The following SORCS2 variants were observed in gnomAD, a reference collection of about 807,000 sequenced individuals.
SORCS2 encodes the protein sortilin related VPS10 domain containing receptor 2.
Under a neutral mutation model 141.6 loss-of-function variants are expected in SORCS2, and 100 were observed. The ratio of observed to expected loss-of-function variants is 0.71; its 90% CI spans 0.60 to 0.83. SORCS2 has a LOEUF of 0.83. SORCS2 is among the 40% of genes least tolerant of loss of function. The pLI, the probability that SORCS2 is intolerant of heterozygous loss-of-function variation, is 0.00. For missense variants in SORCS2, 1,646 were observed against 1,560.2 expected (o/e 1.05, Z -0.93); for synonymous variants, 789 against 676.9 (o/e 1.17, Z -2.57).
At chr4:7,431,023 G>C (rs1726813207) in intron 2 of SORCS2, 1 of 152,310 alleles carries the variant, frequency 6.6e-6, no homozygotes, top group South Asian at 2.1e-4. Context: ...TCCGGGCACA[G>C]GGGATGGAGG....
chr4:7,491,518 C>T (rs1731313976), intron 2 of SORCS2, among the ~76,000 whole-genome samples: 1 of 152,260 alleles, frequency 6.6e-6, no homozygotes, highest in East Asian at 1.9e-4. Flanking sequence ...CTGCTCATTT[C>T]ACGCTGCTGA....
At chr4:7,554,634 T>C (rs909393862) in intron 3 of SORCS2, among the ~76,000 whole-genome samples, 8 of 152,176 alleles carry the variant, frequency 5.3e-5, no homozygotes, top group African/African-American at 1.9e-4. Context: ...AAAAGATGAC[T>C]TCCTTGTGCT....
At chr4:7,554,004 A>G (rs530843937) in intron 3 of SORCS2, among the ~76,000 whole-genome samples, 6 of 152,340 alleles carry the variant, frequency 3.9e-5, no homozygotes, top group African/African-American at 1.2e-4. Flanking sequence ...ATGCAAGGAA[A>G]ACAGCCATGG....
chr4:7,259,768 A>G (rs753993366), intron 1 of SORCS2, among the ~76,000 whole-genome samples: 4 of 152,330 alleles, frequency 2.6e-5, no homozygotes, highest in Middle Eastern at 3.4e-3. Context: ...CTTGGGGTTC[A>G]CAGCATCTCC....
intron 2 of SORCS2, among the ~76,000 whole-genome samples, chr4:7,453,927 G>A (rs1433269261): frequency 7.9e-6 from 1 of 126,484 alleles, no homozygotes; most frequent in African/African-American, 3.1e-5. Context: ...TTGGGGTCAG[G>A]CACTGTGTTG....
intron 2 of SORCS2, among the ~76,000 whole-genome samples, chr4:7,397,777 C>A (rs2109117124): frequency 6.6e-6 from 1 of 152,322 alleles, no homozygotes; most frequent in East Asian, 1.9e-4. Flanking sequence ...CTGGACAGGG[C>A]AGGCCCAGGG....
intron 1 of SORCS2, among the ~76,000 whole-genome samples, chr4:7,301,092 G>C (rs1393247680): frequency 6.6e-6 from 1 of 152,046 alleles, no homozygotes. Flanking sequence ...TTGTTTCCTC[G>C]GCCCAGCCCT....
chr4:7,490,933 T>G (rs935510834), intron 2 of SORCS2, among the ~76,000 whole-genome samples: 1 of 152,188 alleles, frequency 6.6e-6, no homozygotes, highest in Admixed American at 6.5e-5. Flanking sequence ...ACCTGGCACG[T>G]GGCAAAGGCT....
In SORCS2 at chr4:7,724,582, GTGGTGGTGTTGGTGA is replaced by G. The variant is rs1343286647; in HGVS notation, c.2612-563_2612-549del. Among the ~76,000 whole-genome samples the G allele has an allele frequency of 3.6e-5, 4 of 110,438 alleles. 1 individual carries two copies. Among genetic ancestry groups the G allele is most frequent in the Non-Finnish European group, 7.3e-5 (4 of 54,462 alleles). 72.5% of individuals were successfully genotyped at this position (110,438 alleles called of 152,430 possible). A position where few individuals can be genotyped will look rare whatever the true frequency, so the allele number is the denominator to read the frequency against. ...ATGGATGGTGGTGGTGATGGTGATG[GTGGTGGTGTTGGTGA>G]TGGTGGTGATAGTGCTGGTGAGGAT... is the stretch of plus-strand genomic sequence containing the variant. On this transcript the variant is annotated intron_variant, in intron 19 of 26. Coordinates refer to ENST00000507866, the MANE Select transcript of SORCS2 (RefSeq NM_020777.3).
intron 1 of SORCS2, among the ~76,000 whole-genome samples, chr4:7,248,129 C>T (rs1713242390): frequency 1.3e-5 from 2 of 152,212 alleles, no homozygotes; most frequent in South Asian, 4.1e-4. Context: ...CCCAGCTTAG[C>T]CACCGACTGT....
Position 7,453,673 on chromosome 4 carries a change from G to A in SORCS2, c.548+57318G>A, listed in dbSNP as rs529150008. The stretch of plus-strand genomic sequence containing the variant: ...GTTGGGGTCAGGAGCTGTGTGTTGG[G>A]TTCAGGTGCTGTGTTGGGGTCAGGC... On this transcript the variant is annotated intron_variant, in intron 2 of 26. Coordinates refer to ENST00000507866, the MANE Select transcript of SORCS2 (RefSeq NM_020777.3). Among the ~76,000 whole-genome samples the A allele has an allele frequency of 2.4e-3, 310 of 126,582 alleles. 7 individuals carry two copies. The highest frequency in any genetic ancestry group is 9.3e-3 in the African/African-American group (296 of 31,774). The allele number at this position is 126,582 out of a possible 152,430, so 83.0% of individuals were successfully genotyped here.
At chr4:7,475,715 TACAC>T (rs1302334973) in intron 2 of SORCS2, among the ~76,000 whole-genome samples, 3 of 142,766 alleles carry the variant, frequency 2.1e-5, no homozygotes, top group Admixed American at 6.8e-5. Flanking sequence ...ACAACACACA[TACAC>T]ACACATGCAC....
chr4:7,495,643 G>T (rs1300668931), intron 2 of SORCS2, among the ~76,000 whole-genome samples: 1 of 152,222 alleles, frequency 6.6e-6, no homozygotes, highest in South Asian at 2.1e-4. Flanking sequence ...TCACAGCTGG[G>T]AGGGCCATGG....
intron 10 of SORCS2, 113 bp downstream of exon 10, chr4:7,683,002 T>G: frequency 7.6e-7 from 1 of 1,311,430 alleles, no homozygotes; most frequent in Non-Finnish European, 1.0e-6. Flanking sequence ...CTGAGACACA[T>G]GAACCACCTA....
chr4:7,349,267 G>A (rs1183630184), intron 1 of SORCS2, among the ~76,000 whole-genome samples: 1 of 152,200 alleles, frequency 6.6e-6, no homozygotes, highest in East Asian at 1.9e-4. Context: ...GTAGGGAGCA[G>A]AAGGCCCCTC....
intron 3 of SORCS2, 88 bp from the exon 4 acceptor site, chr4:7,638,240 C>T (rs1409607180): frequency 4.2e-6 from 6 of 1,421,538 alleles, no homozygotes; most frequent in East Asian, 5.3e-5. Flanking sequence ...GGGAGAGAGG[C>T]GCACCTGGCC....
intron 19 of SORCS2, 41 bp from the exon 20 acceptor site, chr4:7,725,113 C>A (rs1436895735): frequency 1.9e-6 from 3 of 1,597,766 alleles, no homozygotes; most frequent in African/African-American, 1.3e-5. Flanking sequence ...ATGCCCCATG[C>A]CCTGATATCA....
chr4:7,218,346 G>C (rs556838414), intron 1 of SORCS2, among the ~76,000 whole-genome samples: 1 of 152,308 alleles, frequency 6.6e-6, no homozygotes, highest in Admixed American at 6.5e-5. Context: ...AGCCATAAAG[G>C]AAATTAGTTT....
At chr4:7,699,517 A>G (rs1724923287) in intron 12 of SORCS2, among the ~76,000 whole-genome samples, 1 of 151,780 alleles carries the variant, frequency 6.6e-6, no homozygotes, top group African/African-American at 2.4e-5. Context: ...GCACTCCAGG[A>G]CTGTTGGGCT....
Sources: gnomAD v4.1 joint callset for allele counts (sites outside exome capture counted in the v4.1 genomes callset) on GRCh38, gnomAD v4.1.1 for gene constraint, MANE v1.5 for transcripts, NCBI Gene and HGNC (gene_info 2026-07-23, HGNC 2026-07-21) for gene names.